ANKRD33B: variants seen among roughly 807,000 people sequenced by gnomAD.
ANKRD33B encodes the protein ankyrin repeat domain 33B.
ANKRD33B carries 6 observed loss-of-function variants against 21.5 expected under a neutral mutation model. The ratio of observed to expected loss-of-function variants is 0.28; its 90% CI spans 0.15 to 0.55. ANKRD33B has a LOEUF of 0.55. Among genes scored for constraint, ANKRD33B ranks in the 20% least tolerant of loss-of-function variants. ANKRD33B has a pLI of 0.94. For synonymous variants in ANKRD33B, 347 were observed against 342.4 expected, an observed-to-expected ratio of 1.01 and a Z score of -0.15; for missense variants, 698 against 747.2, an observed-to-expected ratio of 0.93 and a Z score of 0.77.
intron 2 of ANKRD33B, chr5:10,624,988 T>C: frequency 2.9e-6 from 1 of 346,022 alleles, no homozygotes; most frequent in South Asian, 2.2e-5. Flanking sequence ...CTTTGAAGAT[T>C]TTATGCCTGA....
At chr5:10,632,193 G>A (rs542492716) in intron 2 of ANKRD33B, among the ~76,000 whole-genome samples, 1 of 152,058 alleles carries the variant, frequency 6.6e-6, no homozygotes, top group East Asian at 1.9e-4. Context: ...GGGCAGCGTG[G>A]GGGGCGATGG....
In ANKRD33B at chr5:10,656,133, C is replaced by T. The variant is rs1361839890; in HGVS notation, c.*6020C>T. ...TATGCGCTGGTATAACTCGAGTCAG[C>T]TGCTTATTTCTGTGCCCTTGCACTC... is the stretch of plus-strand genomic sequence containing the variant. On this transcript the variant is annotated 3_prime_UTR_variant, in exon 4 of 4. Transcript: ENST00000296657. The T allele has an allele frequency of 6.6e-6, 1 of 152,304 alleles. No homozygotes were observed. Among genetic ancestry groups the T allele is most frequent in the Admixed American group, 6.5e-5 (1 of 15,284 alleles). 9.4% of individuals were successfully genotyped at this position (152,304 alleles called of 1,614,324 possible).
In ANKRD33B at chr5:10,577,980, C is replaced by T. The variant is rs549463106; in HGVS notation, c.366+13147C>T. Among the ~76,000 whole-genome samples, 5 of 152,234 alleles carry T rather than the reference C, an allele frequency of 3.3e-5. No individual in the cohort carries two copies. The East Asian group carries it at 7.7e-4, about 24-fold the overall frequency. ...AAAGGCCCTAGACACTTAAGAGTCGCGTTTCAGGAAGCTGGCACAGCCTGT... is the reference window on the plus strand; with the variant it reads ...AAAGGCCCTAGACACTTAAGAGTCGTGTTTCAGGAAGCTGGCACAGCCTGT... On this transcript the variant is annotated intron_variant, in intron 1 of 3. Coordinates refer to ENST00000296657, the MANE Select transcript of ANKRD33B (RefSeq NM_001164440.2).
At chr5:10,645,759 C>T (rs900536) in intron 3 of ANKRD33B, among the ~76,000 whole-genome samples, 63,795 of 152,046 alleles carry the variant, frequency 0.42, 13,663 homozygotes, top group Middle Eastern at 0.55. Context: ...GGAGGCAGAA[C>T]CCTCTTTAGG....
intron 1 of ANKRD33B, among the ~76,000 whole-genome samples, chr5:10,571,403 T>C (rs1735184854): frequency 6.6e-6 from 1 of 152,146 alleles, no homozygotes; most frequent in African/African-American, 2.4e-5. Context: ...AGTTTCGCCA[T>C]GTTGGCCAGG....
chr5:10,633,534 G>A (rs1016952511), intron 2 of ANKRD33B, among the ~76,000 whole-genome samples: 3 of 152,356 alleles, frequency 2.0e-5, no homozygotes, highest in Non-Finnish European at 4.4e-5. Flanking sequence ...CGTCCGTGAC[G>A]CGCTGAACAC....
chr5:10,602,195 CG>C (rs1282860368), intron 1 of ANKRD33B, among the ~76,000 whole-genome samples: 1 of 152,218 alleles, frequency 6.6e-6, no homozygotes, highest in African/African-American at 2.4e-5. Flanking sequence ...CTGTCCATCC[CG>C]GGGCCTCACC....
intron 1 of ANKRD33B, among the ~76,000 whole-genome samples, chr5:10,587,528 TTTA>T (rs1735591959): frequency 2.0e-5 from 3 of 151,916 alleles, no homozygotes; most frequent in Non-Finnish European, 2.9e-5. Context: ...TATTAGGTAT[TTTA>T]TTATTCTTCT....
In ANKRD33B at chr5:10,619,019, G is replaced by A. The variant is rs1736353027; in HGVS notation, c.496+557G>A. On this transcript the variant is annotated intron_variant, in intron 2 of 3. Coordinates refer to ENST00000296657, the MANE Select transcript of ANKRD33B (RefSeq NM_001164440.2). The surrounding 1 kb of genome is among the most constrained non-coding windows in gnomAD (Gnocchi z 4.5). ...CCCTCAGCCCATCAGTCATCAAGAA[G>A]ACAGTGCTTATGTCAATATTGCCAA... Among the ~76,000 whole-genome samples the A allele has an allele frequency of 6.6e-6, 1 of 152,192 alleles. No homozygotes were observed. The highest frequency in any genetic ancestry group is 1.5e-5 in the Non-Finnish European group (1 of 68,046).
At chr5:10,635,948 C>T (rs542203029) in intron 2 of ANKRD33B, among the ~76,000 whole-genome samples, 2 of 152,370 alleles carry the variant, frequency 1.3e-5, no homozygotes, top group South Asian at 4.1e-4. Context: ...CTGGAGGCTG[C>T]TGCAGCGTCA....
intron 1 of ANKRD33B, among the ~76,000 whole-genome samples, chr5:10,594,221 C>CTT (rs10658307): frequency 0.061 from 5,023 of 83,000 alleles, 331 homozygotes; most frequent in Admixed American, 0.077. Flanking sequence ...ACACATCCTT[C>CTT]TTTTTTTTTT....
At position 10,649,713 on chromosome 5, in the gene ANKRD33B, TGGG is replaced by T; in HGVS notation, c.1089_1091del (p.Gly364del). ...CCCCAGGCGCAGGAGGAGGATGAGG[TGGG>T]GGGCGCGGGGCAGCGCGGGCGGACC... On this transcript the variant is annotated inframe_deletion, in exon 4 of 4. Transcript: ENST00000296657. 1 of 1,510,098 alleles carries T rather than the reference TGGG, an allele frequency of 6.6e-7. No individual in the cohort carries two copies. The highest frequency in any genetic ancestry group is 1.4e-5 in the African/African-American group (1 of 71,760). The allele number at this position is 1,510,098 out of a possible 1,614,324, so 93.5% of individuals were successfully genotyped here. A position where few individuals can be genotyped will look rare whatever the true frequency, so the allele number is the denominator to read the frequency against.
chr5:10,631,012 C>T (rs1054100539), intron 2 of ANKRD33B, among the ~76,000 whole-genome samples: 5 of 152,210 alleles, frequency 3.3e-5, no homozygotes, highest in African/African-American at 7.2e-5. Flanking sequence ...CTCCCTGGAA[C>T]AGGGGTCTTA....
intron 2 of ANKRD33B, among the ~76,000 whole-genome samples, chr5:10,625,383 A>G (rs1736521876): frequency 1.3e-5 from 2 of 152,236 alleles, no homozygotes. Context: ...TTCAGACCTC[A>G]TTCAGTCCTT....
At chr5:10,609,095 TAA>T in intron 1 of ANKRD33B, among the ~76,000 whole-genome samples, 1 of 152,238 alleles carries the variant, frequency 6.6e-6, no homozygotes, top group East Asian at 1.9e-4. Context: ...AGGTGTGCCG[TAA>T]GTGTAAAATA....
intron 1 of ANKRD33B, among the ~76,000 whole-genome samples, chr5:10,588,209 C>T (rs1302762676): frequency 1.3e-5 from 2 of 152,186 alleles, no homozygotes; most frequent in Admixed American, 6.5e-5. Context: ...TCTAGGCATA[C>T]TTATGTATTT....
At chr5:10,631,899 G>A (rs1049671054) in intron 2 of ANKRD33B, among the ~76,000 whole-genome samples, 2 of 152,234 alleles carry the variant, frequency 1.3e-5, no homozygotes, top group Non-Finnish European at 2.9e-5. Context: ...CGGAATGCTG[G>A]TCGGTTGTTT....
rs3733758 is a variant in ANKRD33B at position 10,655,730 on chromosome 5, C to T, written c.*5617C>T. On this transcript the variant is annotated 3_prime_UTR_variant, in exon 4 of 4. Coordinates refer to ENST00000296657, the MANE Select transcript of ANKRD33B (RefSeq NM_001164440.2). ...TTTGGGGAAATTCTAACACATTTCC[C>T]GGGGATTTGCCCAGGTCCCTCCACC... 0.33 allele frequency: 50,783 copies of T among 152,162 alleles called. 8,551 individuals carry two copies. The highest frequency in any genetic ancestry group is 0.4 in the African/African-American group (16,789 of 41,458). The allele number at this position is 152,162 out of a possible 1,614,324, so 9.4% of individuals were successfully genotyped here.
intron 1 of ANKRD33B, among the ~76,000 whole-genome samples, chr5:10,574,307 A>G (rs909091588): frequency 2.0e-5 from 3 of 152,260 alleles, no homozygotes; most frequent in African/African-American, 7.2e-5. Context: ...CATGGTTATG[A>G]TTTAGAATTA....
Sources: allele counts gnomAD v4.1 joint callset (sites outside exome capture counted in the v4.1 genomes callset), GRCh38; gene constraint gnomAD v4.1.1; non-coding constraint Gnocchi (gnomAD v3.1); transcripts MANE v1.5; gene names NCBI Gene and HGNC (gene_info 2026-07-23, HGNC 2026-07-21).